The following DICER1 variants were observed in gnomAD, a reference collection of about 807,000 sequenced individuals.
DICER1 encodes the protein endoribonuclease Dicer.
DICER1 carries 43 observed loss-of-function variants against 194.1 expected under a neutral mutation model. The ratio of observed to expected loss-of-function variants is 0.22; its 90% confidence interval spans 0.17 to 0.29. DICER1 has a LOEUF of 0.29. Ranked by LOEUF, DICER1 falls within the 10% of genes least tolerant of loss-of-function variation. The pLI is 1.00. For missense variants in DICER1, 1,608 were observed against 2,317.0 expected (o/e 0.69, Z 6.28); for synonymous variants, 832 against 820.5 (o/e 1.01, Z -0.24).
intron 17 of DICER1, among the ~76,000 whole-genome samples, chr14:95,106,792 A>G (rs562768024): frequency 1.3e-5 from 2 of 152,288 alleles, no homozygotes; most frequent in African/African-American, 4.8e-5. Context: ...GAAAAAAATC[A>G]TTCTGGATTT....
intron 3 of DICER1, among the ~76,000 whole-genome samples, chr14:95,132,212 TTGG>T (rs751865557): frequency 3.9e-5 from 6 of 152,204 alleles, no homozygotes; most frequent in African/African-American, 7.2e-5. Context: ...TTTGACATAC[TTGG>T]TGAAGCTAAA....
At chr14:95,113,992 G>A (rs73329795) in intron 11 of DICER1, among the ~76,000 whole-genome samples, 9,600 of 152,166 alleles carry the variant, frequency 0.063, 1,033 homozygotes, top group African/African-American at 0.22. Flanking sequence ...AAGACAGAAA[G>A]GAGGAAATCT....
In DICER1 at chr14:95,132,617, C is replaced by G. The variant is rs1595466411; in HGVS notation, c.205G>C (p.Gly69Arg). ...NTIVCLNTGS[G>R]KTFIAVLLTK... Reference sequence around the variant, plus strand: ...AGTAGTACTGCAATAAATGTCTTCCCTGAGCCAGTGTTTAAACAGACGATG... The same window carrying G: ...AGTAGTACTGCAATAAATGTCTTCCGTGAGCCAGTGTTTAAACAGACGATG... Residue 69 changes from glycine to arginine, a missense_variant, in exon 3 of 27, where the codon GGG (glycine) becomes CGG (arginine). Coordinates refer to ENST00000343455, the MANE Select transcript of DICER1 (RefSeq NM_177438.3). The G allele has an allele frequency of 6.2e-7, 1 of 1,613,946 alleles. No individual in the cohort carries two copies. Among genetic ancestry groups the G allele is most frequent in the Admixed American group, 1.7e-5 (1 of 60,016 alleles).
chr14:95,107,660 T>A lies in DICER1; in HGVS notation c.2752A>T (p.Thr918Ser), dbSNP rs377326167. 1.2e-5 allele frequency: 19 copies of A among 1,613,424 alleles called. No homozygotes were observed. The highest frequency in any genetic ancestry group is 1.5e-5 in the Non-Finnish European group (18 of 1,179,426). Reference sequence around the variant, plus strand: ...TCTTCTAATTTAAAAACAAAGGGTGTTTCTTTTGTATACTTTGTACTGGGA... The same window carrying A: ...TCTTCTAATTTAAAAACAAAGGGTGATTCTTTTGTATACTTTGTACTGGGA... ...GIPSTKYTKE[T>S]PFVFKLEDYQ... Residue 918 changes from threonine (T) to serine (S), a missense_variant, in exon 17 of 27, where the codon ACA (threonine) becomes TCA (serine). Around this residue, in one of 10 missense-constraint regions of DICER1, gnomAD observed 150 missense variants for 216.0 expected, o/e 0.69. Transcript: ENST00000343455.
intron 11 of DICER1, among the ~76,000 whole-genome samples, chr14:95,113,933 T>C (rs1044164432): frequency 6.6e-6 from 1 of 152,138 alleles, no homozygotes; most frequent in Non-Finnish European, 1.5e-5. Context: ...ACTAATTATT[T>C]TGAGGACAAT....
chr14:95,134,844 C>T (rs1894237586), intron 1 of DICER1, among the ~76,000 whole-genome samples: 1 of 152,160 alleles, frequency 6.6e-6, no homozygotes, highest in Admixed American at 6.5e-5. Flanking sequence ...CCACAGAGTA[C>T]TTTATGAGAT....
rs141308332 is a variant in DICER1 at position 95,096,405 on chromosome 14, A to G, written c.4515T>C (p.Ser1505=). ...SSDFEDFDYS[S]WDAMCYLDPS... is the part of the protein sequence containing the mutation. ...GATCCAGATAGCACATTGCATCCCA[A>G]GAGCTGTAGTCAAAATCCTCAAAAT... The change falls in exon 23 of 27, where the codon TCT becomes TCC. Residue 1505 remains serine, a synonymous_variant. Transcript: ENST00000343455. 2.8e-4 allele frequency: 459 copies of G among 1,614,246 alleles called. 1 individual carries two copies. In the African/African-American group the frequency reaches 5.7e-3, roughly 20 times the overall value.
intron 1 of DICER1, chr14:95,140,509 A>T (rs1284028387): frequency 1.3e-5 from 2 of 152,198 alleles, no homozygotes; most frequent in Non-Finnish European, 2.9e-5. Context: ...AGTACACTCT[A>T]TGATGTTCAC....
chr14:95,132,975 A>C (rs1894083344), intron 2 of DICER1, among the ~76,000 whole-genome samples: 1 of 152,224 alleles, frequency 6.6e-6, no homozygotes, highest in Admixed American at 6.5e-5. Context: ...CTAAACTTAG[A>C]GTAATCGTGG....
At chr14:95,134,452 A>T (rs936949262) in intron 1 of DICER1, 1 of 152,224 alleles carries the variant, frequency 6.6e-6, no homozygotes, top group Non-Finnish European at 1.5e-5. Flanking sequence ...CACAGAAGGG[A>T]ATTTCCTCTC....
chr14:95,112,865 A>T (rs1472150072), intron 12 of DICER1, among the ~76,000 whole-genome samples: 1 of 152,266 alleles, frequency 6.6e-6, no homozygotes, highest in East Asian at 1.9e-4. Flanking sequence ...TAGACAGTCT[A>T]TTACAAATAT....
At position 95,096,410 on chromosome 14, in the gene DICER1, T is replaced by A; in HGVS notation, c.4510A>T (p.Ser1504Cys). Residue 1504 changes from serine to cysteine, a missense_variant, in exon 23 of 27, where the codon AGC (serine) becomes TGC (cysteine). Coordinates refer to ENST00000343455, the MANE Select transcript of DICER1 (RefSeq NM_177438.3). The stretch of plus-strand genomic sequence containing the variant: ...AGATAGCACATTGCATCCCAAGAGC[T>A]GTAGTCAAAATCCTCAAAATCTGAT... ...FSSDFEDFDYSSWDAMCYLDP... is the reference protein window; with the variant it reads ...FSSDFEDFDYCSWDAMCYLDP... 6.2e-7 allele frequency: 1 copy of A among 1,614,240 alleles called. No individual in the cohort carries two copies. The highest frequency in any genetic ancestry group is 8.5e-7 in the Non-Finnish European group (1 of 1,180,050).
chr14:95,096,656 CATCCTCCTCCTCGTA>C lies in DICER1; in HGVS notation c.4249_4263del (p.Tyr1417_Asp1421del), dbSNP rs1890378285. ...CTCCACATCAGGCTCTCCTCCTCCT[CATCCTCCTCCTCGTA>C]ATCCTCATCCAGTTTGCCATTCGCC... On this transcript the variant is annotated inframe_deletion, in exon 23 of 27. Transcript: ENST00000343455. 1 of 1,612,942 alleles carries C rather than the reference CATCCTCCTCCTCGTA, an allele frequency of 6.2e-7. No individual in the cohort carries two copies. The highest frequency in any genetic ancestry group is 8.5e-7 in the Non-Finnish European group (1 of 1,179,504).
intron 1 of DICER1, chr14:95,141,812 A>T (rs1894842962): frequency 6.6e-6 from 1 of 152,200 alleles, no homozygotes; most frequent in South Asian, 2.1e-4. Flanking sequence ...ACTTTAAGAG[A>T]TGTTCTACTT....
At position 95,103,513 on chromosome 14, in the gene DICER1, C is replaced by T; in HGVS notation, c.3883G>A (p.Gly1295Arg). 1 of 1,614,112 alleles carries T rather than the reference C, an allele frequency of 6.2e-7. No individual in the cohort carries two copies. The highest frequency in any genetic ancestry group is 8.5e-7 in the Non-Finnish European group (1 of 1,180,006). Reference protein sequence around the residue: ...YSSRTLGPNPGLILQALTLSN... With the variant: ...YSSRTLGPNPRLILQALTLSN... ...AGAGTCAAAGCCTGAAGAATAAGTC[C>T]AGGATTGGGGCCAAGAGTCCTTGAG... Residue 1295 changes from glycine (G) to arginine (R), a missense_variant, in exon 21 of 27, where the codon GGA becomes AGA. Gly to Arg is a moderately radical substitution (Grantham distance 125). Transcript: ENST00000343455.
rs2140260100 is a variant in DICER1 at position 95,129,503 on chromosome 14, C to T, written c.703G>A (p.Glu235Lys). The T allele has an allele frequency of 1.9e-6, 3 of 1,613,940 alleles. No individual in the cohort carries two copies. The highest frequency in any genetic ancestry group is 2.5e-6 in the Non-Finnish European group (3 of 1,179,888). The part of the protein sequence containing the change: ...KLEKILKSNA[E>K]TATDLVVLDR... ...AAGACCACCAGGTCAGTTGCAGTTT[C>T]AGCATTACTCTTAAGAATTTTCTCT... Residue 235 changes from glutamate to lysine, a missense_variant, in exon 6 of 27, where the codon GAA becomes AAA. Physicochemically the swap from Glu to Lys is moderately conservative, Grantham distance 56. This residue lies in a region of DICER1 where 657 missense variants were observed against 910.1 expected (regional missense o/e 0.72). Transcript: ENST00000343455.
intron 6 of DICER1, 85 bp from the exon 7 acceptor site, chr14:95,126,833 A>G: frequency 1.3e-6 from 1 of 789,582 alleles, no homozygotes; most frequent in East Asian, 2.9e-5. Flanking sequence ...AAAAAAAAAA[A>G]AAAGGGAATA....
chr14:95,110,577 G>A (rs1235255890), intron 14 of DICER1, among the ~76,000 whole-genome samples: 1 of 152,066 alleles, frequency 6.6e-6, no homozygotes, highest in Admixed American at 6.5e-5. Flanking sequence ...CTGGAGGATC[G>A]GTACTATCTG....
chr14:95,115,557 TCTAAGTAAAGACTGGTAA>T, intron 11 of DICER1, 92 bp downstream of exon 11: 5 of 1,194,470 alleles, frequency 4.2e-6, no homozygotes, highest in Non-Finnish European at 6.2e-6. Context: ...ATATGGCAAG[TCTAAGTAAAGACTGGTAA>T]CCGCAAAATG....
Sources: gnomAD v4.1 joint callset for allele counts (sites outside exome capture counted in the v4.1 genomes callset) on GRCh38, gnomAD v4.1.1 for gene constraint, gnomAD v4.1.1 regional missense constraint, MANE v1.5 for transcripts, NCBI Gene and HGNC (gene_info 2026-07-23, HGNC 2026-07-21) for gene names.